ZC3H12B: variants seen among roughly 807,000 people sequenced by gnomAD.
ZC3H12B encodes the protein zinc finger CCCH-type containing 12B, also known as probable ribonuclease ZC3H12B.
ZC3H12B carries 7 observed loss-of-function variants against 43.9 expected under a neutral mutation model. The observed-to-expected ratio is 0.16, with a 90% CI of 0.09 to 0.30. The LOEUF (loss-of-function observed/expected upper bound fraction) is 0.30, where lower values mean the gene tolerates loss of function less well. Among genes scored for constraint, ZC3H12B ranks in the 10% least tolerant of loss-of-function variants. The pLI, the probability that ZC3H12B is intolerant of heterozygous loss-of-function variation, is 1.00. For missense variants in ZC3H12B, 475 were observed against 670.2 expected (o/e 0.71, Z 3.22); for synonymous variants, 222 against 241.7 (o/e 0.92, Z 0.76).
chrX:65,124,910 A>G, the ZC3H12B span, among the ~76,000 whole-genome samples: 1 of 110,453 alleles, frequency 9.1e-6, no homozygotes, highest in Admixed American at 9.6e-5. Context: ...TGGTCTATCA[A>G]TTTTTTTATC....
the ZC3H12B span, among the ~76,000 whole-genome samples, chrX:65,240,650 G>A: frequency 8.9e-6 from 1 of 111,760 alleles, no homozygotes; most frequent in Non-Finnish European, 1.9e-5. Flanking sequence ...GAGGCACTCT[G>A]GATTTTTTCA....
At chrX:65,078,458 A>G in the ZC3H12B span, among the ~76,000 whole-genome samples, 1 of 112,129 alleles carries the variant, frequency 8.9e-6, no homozygotes, top group African/African-American at 3.2e-5. Context: ...GGAGGAACAT[A>G]AGAAGAAATA....
the ZC3H12B span, among the ~76,000 whole-genome samples, chrX:65,174,957 G>A: frequency 5.1e-4 from 57 of 111,107 alleles, no homozygotes; most frequent in African/African-American, 1.6e-3. Flanking sequence ...AAAAACTCCT[G>A]CACCTAGCTT....
chrX:65,254,832 G>A, the ZC3H12B span, among the ~76,000 whole-genome samples: 4 of 110,976 alleles, frequency 3.6e-5, no homozygotes, highest in African/African-American at 9.8e-5. Context: ...TGATACAGGA[G>A]ATAAAAGATG....
the ZC3H12B span, among the ~76,000 whole-genome samples, chrX:65,114,026 T>TATATATATATATATA: frequency 2.1e-3 from 173 of 82,446 alleles, no homozygotes; most frequent in East Asian, 6.5e-3. Flanking sequence ...TATATATATA[T>TATATATATATATATA]TCATCTTTAG....
At chrX:65,313,559 G>A in the ZC3H12B span, among the ~76,000 whole-genome samples, 10 of 111,982 alleles carry the variant, frequency 8.9e-5, 1 homozygote, top group South Asian at 3.7e-4. Context: ...TCTATGATTC[G>A]CACTTACAAA....
At chrX:65,491,947 G>A (rs893398438) in intron 1 of ZC3H12B, among the ~76,000 whole-genome samples, 2 of 109,793 alleles carry the variant, frequency 1.8e-5, no homozygotes, top group Non-Finnish European at 3.8e-5. Flanking sequence ...CCAGTGAAAA[G>A]CAGAGGATAA....
the ZC3H12B span, among the ~76,000 whole-genome samples, chrX:65,056,857 T>G: frequency 8.9e-6 from 1 of 111,958 alleles, no homozygotes; most frequent in Non-Finnish European, 1.9e-5. Context: ...GCCTTGTCTC[T>G]TTTGATCTGT....
At chrX:65,144,047 A>G in the ZC3H12B span, among the ~76,000 whole-genome samples, 2 of 111,231 alleles carry the variant, frequency 1.8e-5, no homozygotes, top group Non-Finnish European at 3.8e-5. Context: ...TTCCCTCTTC[A>G]TTTTGTGGAA....
chrX:65,269,464 G>A, the ZC3H12B span, among the ~76,000 whole-genome samples: 355 of 110,435 alleles, frequency 3.2e-3, 1 homozygote, highest in Middle Eastern at 0.033. Flanking sequence ...ATTTACAATA[G>A]CATCAAAAAA....
chrX:65,153,733 T>C, the ZC3H12B span, among the ~76,000 whole-genome samples: 1 of 112,005 alleles, frequency 8.9e-6, no homozygotes, highest in Non-Finnish European at 1.9e-5. Context: ...TTACTGGGTA[T>C]ATACCCAAAG....
chrX:65,401,336 C>A (rs1193327337), intron 3 of ZC3H12B, among the ~76,000 whole-genome samples: 1 of 111,388 alleles, frequency 9.0e-6, no homozygotes, highest in Non-Finnish European at 1.9e-5. Context: ...GAGAGGAAAA[C>A]CAGACCAAAC....
intron 3 of ZC3H12B, among the ~76,000 whole-genome samples, chrX:65,420,027 G>A (rs2067000870): frequency 3.6e-5 from 4 of 111,910 alleles, no homozygotes; most frequent in Non-Finnish European, 7.5e-5. Flanking sequence ...CTCCAGGCCA[G>A]CCCCTATGGA....
the ZC3H12B span, among the ~76,000 whole-genome samples, chrX:65,200,602 T>A: frequency 2.8e-5 from 3 of 107,823 alleles, no homozygotes; most frequent in Non-Finnish European, 3.8e-5. Flanking sequence ...CAGGCTAATT[T>A]TTTTTGTATA....
intron 3 of ZC3H12B, among the ~76,000 whole-genome samples, chrX:65,400,593 T>A (rs1000224587): frequency 8.9e-6 from 1 of 111,880 alleles, no homozygotes; most frequent in Non-Finnish European, 1.9e-5. Flanking sequence ...ATTATTTCAA[T>A]GCAGAATCTT....
At chrX:65,226,360 G>C in the ZC3H12B span, among the ~76,000 whole-genome samples, 1 of 111,151 alleles carries the variant, frequency 9.0e-6, no homozygotes, top group Non-Finnish European at 1.9e-5. Context: ...CTAAAAGAGC[G>C]CCTGAAGGAA....
the ZC3H12B span, among the ~76,000 whole-genome samples, chrX:65,243,912 C>A: frequency 9.0e-6 from 1 of 111,452 alleles, no homozygotes; most frequent in Non-Finnish European, 1.9e-5. Flanking sequence ...TATGTTGGAG[C>A]TAATACAAAA....
chrX:65,368,321 G>T (rs2066200154), intron 1 of ZC3H12B, among the ~76,000 whole-genome samples: 1 of 111,162 alleles, frequency 9.0e-6, no homozygotes, highest in Admixed American at 9.6e-5. Flanking sequence ...CTAAATTGTG[G>T]TCTTTTAAGA....
chrX:65,212,531 A>G, the ZC3H12B span, among the ~76,000 whole-genome samples: 7 of 74,559 alleles, frequency 9.4e-5, no homozygotes, highest in African/African-American at 3.8e-4. Flanking sequence ...ATTATATTAC[A>G]TATAATGTAT....
Sources: allele counts gnomAD v4.1 joint callset (sites outside exome capture counted in the v4.1 genomes callset), GRCh38; gene constraint gnomAD v4.1.1; transcripts MANE v1.5; gene names NCBI Gene and HGNC (gene_info 2026-07-23, HGNC 2026-07-21).